The following PTPRM variants were observed in gnomAD, a reference collection of about 807,000 sequenced individuals.
PTPRM encodes the protein protein tyrosine phosphatase receptor type M.
PTPRM carries 47 observed loss-of-function variants against 186.7 expected under a neutral mutation model. The observed-to-expected ratio is 0.25, with a 90% CI of 0.20 to 0.32. The LOEUF (loss-of-function observed/expected upper bound fraction) is 0.32, where lower values mean the gene tolerates loss of function less well. PTPRM is among the 10% of genes least tolerant of loss of function. PTPRM has a pLI of 1.00. For missense variants in PTPRM, 1,494 were observed against 1,865.0 expected, an observed-to-expected ratio of 0.80 and a Z score of 3.66; for synonymous variants, 668 against 674.9, an observed-to-expected ratio of 0.99 and a Z score of 0.16.
chr18:8,390,124 A>G (rs1368622206), intron 31 of PTPRM, among the ~76,000 whole-genome samples: 1 of 152,226 alleles, frequency 6.6e-6, no homozygotes, highest in Non-Finnish European at 1.5e-5. Flanking sequence ...AAAACAGCTA[A>G]TCTTCTAATT....
At chr18:8,038,334 C>A (rs561269051) in intron 7 of PTPRM, among the ~76,000 whole-genome samples, 42 of 151,528 alleles carry the variant, frequency 2.8e-4, no homozygotes, top group African/African-American at 1.0e-3. Flanking sequence ...TTTAAAAACC[C>A]AGCTTTCTGG....
chr18:8,323,656 A>G (rs2095359045), intron 22 of PTPRM, among the ~76,000 whole-genome samples: 1 of 152,024 alleles, frequency 6.6e-6, no homozygotes, highest in South Asian at 2.1e-4. Context: ...ATCTTGCCAT[A>G]TATAGTTTCT....
At chr18:7,827,156 G>A (rs1306822988) in intron 2 of PTPRM, among the ~76,000 whole-genome samples, 2 of 152,090 alleles carry the variant, frequency 1.3e-5, no homozygotes, top group Non-Finnish European at 2.9e-5. Context: ...AGGGCACTAA[G>A]GTTTGCTTTG....
intron 25 of PTPRM, 80 bp downstream of exon 25, chr18:8,376,280 T>C: frequency 6.4e-7 from 1 of 1,560,736 alleles, no homozygotes; most frequent in Non-Finnish European, 8.7e-7. Context: ...GATGAGTATG[T>C]TTTAGAACTT....
At chr18:8,115,257 A>G (rs1383252111) in intron 13 of PTPRM, among the ~76,000 whole-genome samples, 2 of 152,170 alleles carry the variant, frequency 1.3e-5, no homozygotes, top group African/African-American at 2.4e-5. Context: ...TAGAAAGTGG[A>G]GTCTACGCGG....
chr18:8,317,652 G>A (rs2095318663), intron 21 of PTPRM, among the ~76,000 whole-genome samples: 1 of 152,144 alleles, frequency 6.6e-6, no homozygotes, highest in South Asian at 2.1e-4. Context: ...CGGCCAGGGA[G>A]GTAGGTAGGA....
intron 7 of PTPRM, among the ~76,000 whole-genome samples, chr18:8,068,809 G>A (rs2089264827): frequency 2.0e-5 from 3 of 152,140 alleles, no homozygotes; most frequent in Non-Finnish European, 4.4e-5. Context: ...ATTAAGATTG[G>A]TTTATTTTGG....
At chr18:8,381,435 C>T (rs1343936033) in intron 29 of PTPRM, among the ~76,000 whole-genome samples, 1 of 150,814 alleles carries the variant, frequency 6.6e-6, no homozygotes, top group Non-Finnish European at 1.5e-5. Flanking sequence ...TTCCTTCCTA[C>T]AATCTGTTTT....
chr18:8,043,803 T>C (rs1266478051), intron 7 of PTPRM, among the ~76,000 whole-genome samples: 1 of 151,892 alleles, frequency 6.6e-6, no homozygotes, highest in Non-Finnish European at 1.5e-5. Context: ...CATTTATAAA[T>C]GAGAATGAGG....
chr18:8,012,385 G>T (rs566528739), intron 7 of PTPRM, among the ~76,000 whole-genome samples: 26 of 152,324 alleles, frequency 1.7e-4, no homozygotes, highest in African/African-American at 6.0e-4. Flanking sequence ...CTTGGCATCT[G>T]CCAGGACCTT....
intron 1 of PTPRM, among the ~76,000 whole-genome samples, chr18:7,628,390 G>A (rs1175831085): frequency 6.6e-6 from 1 of 152,174 alleles, no homozygotes; most frequent in East Asian, 1.9e-4. Context: ...TATTGTTGTT[G>A]CAAAGTAGTT....
intron 2 of PTPRM, among the ~76,000 whole-genome samples, chr18:7,865,209 C>T (rs556615478): frequency 5.3e-5 from 8 of 152,258 alleles, no homozygotes; most frequent in African/African-American, 9.6e-5. Context: ...TGCCTGATTG[C>T]CCTGGCCAGA....
At chr18:8,403,207 C>T (rs1015182060) in intron 32 of PTPRM, 2 of 152,124 alleles carry the variant, frequency 1.3e-5, no homozygotes, top group Non-Finnish European at 2.9e-5. Flanking sequence ...CAGAGTCCAC[C>T]CAGTTGCAGT....
At chr18:8,279,906 T>G (rs1405511343) in intron 19 of PTPRM, among the ~76,000 whole-genome samples, 1 of 152,166 alleles carries the variant, frequency 6.6e-6, no homozygotes, top group Non-Finnish European at 1.5e-5. Flanking sequence ...TTCTAGATAG[T>G]GCCACTGGCT....
At chr18:8,127,418 GTT>G (rs10700223) in intron 13 of PTPRM, among the ~76,000 whole-genome samples, 14 of 133,794 alleles carry the variant, frequency 1.0e-4, no homozygotes, top group Non-Finnish European at 1.7e-4. Context: ...CAGCTGTATT[GTT>G]TTTTTTTTTT....
intron 4 of PTPRM, among the ~76,000 whole-genome samples, chr18:7,922,715 G>A (rs974665936): frequency 6.6e-6 from 1 of 152,044 alleles, no homozygotes; most frequent in Admixed American, 6.6e-5. Context: ...AGTGAGTGAA[G>A]CCAACTTGCT....
chr18:8,228,126 G>T (rs2094238041), intron 14 of PTPRM, among the ~76,000 whole-genome samples: 1 of 152,232 alleles, frequency 6.6e-6, no homozygotes, highest in Non-Finnish European at 1.5e-5. Flanking sequence ...GGAGGGTGTT[G>T]TTTCAGGAGG....
chr18:7,724,447 A>G (rs1598439298), intron 1 of PTPRM, among the ~76,000 whole-genome samples: 1 of 152,356 alleles, frequency 6.6e-6, no homozygotes, highest in East Asian at 1.9e-4. Flanking sequence ...GCTCTTGACA[A>G]GTAGTAACTG....
chr18:8,014,890 T>C (rs2084762301), intron 7 of PTPRM, among the ~76,000 whole-genome samples: 1 of 152,074 alleles, frequency 6.6e-6, no homozygotes, highest in Non-Finnish European at 1.5e-5. Context: ...GAGGAGATTG[T>C]CAATTACAGA....
Sources: allele counts gnomAD v4.1 joint callset (sites outside exome capture counted in the v4.1 genomes callset), GRCh38; gene constraint gnomAD v4.1.1; transcripts MANE v1.5; gene names NCBI Gene and HGNC (gene_info 2026-07-23, HGNC 2026-07-21).